FRMD6: variants seen among roughly 807,000 people sequenced by gnomAD.
FRMD6 encodes the protein FERM domain-containing protein 6.
A neutral mutation model predicts 73.2 loss-of-function variants in FRMD6; 37 were observed. The ratio of observed to expected loss-of-function variants is 0.51; its 90% CI spans 0.39 to 0.66. The LOEUF (loss-of-function observed/expected upper bound fraction) is 0.66, where lower values mean the gene tolerates loss of function less well. Among genes scored for constraint, FRMD6 ranks in the 30% least tolerant of loss-of-function variants. The pLI is 0.00. For synonymous variants in FRMD6, 273 were observed against 282.2 expected (o/e 0.97, Z 0.33); for missense variants, 714 against 780.5 (o/e 0.91, Z 1.02).
intron 1 of FRMD6, among the ~76,000 whole-genome samples, chr14:51,673,228 A>G (rs999472465): frequency 6.6e-6 from 1 of 151,406 alleles, no homozygotes; most frequent in Non-Finnish European, 1.5e-5. Flanking sequence ...TGTTTGACCT[A>G]TTGCTTGTCG....
the FRMD6 span, among the ~76,000 whole-genome samples, chr14:51,481,633 C>T: frequency 6.6e-6 from 1 of 152,228 alleles, no homozygotes; most frequent in East Asian, 1.9e-4. Flanking sequence ...ACTTGGGTTC[C>T]AGGTTTCCTT....
the FRMD6 span, among the ~76,000 whole-genome samples, chr14:51,440,399 T>G: frequency 6.6e-6 from 1 of 152,256 alleles, no homozygotes; most frequent in Non-Finnish European, 1.5e-5. Flanking sequence ...AGGGTTTAGC[T>G]GGCCTGGGTT....
chr14:51,674,658 G>A (rs1894256775), intron 1 of FRMD6, among the ~76,000 whole-genome samples: 1 of 152,046 alleles, frequency 6.6e-6, no homozygotes, highest in African/African-American at 2.4e-5. Flanking sequence ...ATTTTTCATG[G>A]AAGATTAACC....
intron 2 of FRMD6, chr14:51,575,560 A>G (rs1162222985): frequency 6.6e-6 from 1 of 152,180 alleles, no homozygotes; most frequent in Non-Finnish European, 1.5e-5. Context: ...TTTTCGTGAG[A>G]TATTGTAGAA....
chr14:51,532,687 T>C (rs17124108), intron 1 of FRMD6, among the ~76,000 whole-genome samples: 8,530 of 152,316 alleles, frequency 0.056, 303 homozygotes, highest in South Asian at 0.13. Flanking sequence ...ACGTCCTTCC[T>C]ATATAAACAA....
the FRMD6 span, among the ~76,000 whole-genome samples, chr14:51,463,827 G>T: frequency 5.7e-4 from 86 of 152,106 alleles, no homozygotes; most frequent in Non-Finnish European, 9.9e-4. Context: ...GTTTTTGGGG[G>T]TGATGGAGGG....
rs79606523 is a variant in FRMD6, at chr14:51,708,158, C to T, written c.639C>T (p.Ser213=). ...AAGATCAGTTTGCACTAACAGCTTC[C>T]GAAGCTCATCTTAAATATATCAAAG... The part of the protein sequence containing the change: ...MHKDQFALTA[S]EAHLKYIKEA... Residue 213 remains serine (S), a synonymous_variant, in exon 7 of 14, where the codon TCC becomes TCT. Transcript: ENST00000344768. 2,618 of 1,613,212 alleles carry T rather than the reference C, an allele frequency of 1.6e-3. 67 individuals are homozygous for T. The East Asian group carries it at 0.049, about 30-fold the overall frequency.
intron 2 of FRMD6, among the ~76,000 whole-genome samples, chr14:51,642,749 AT>A (rs1891869308): frequency 6.6e-6 from 1 of 152,172 alleles, no homozygotes; most frequent in African/African-American, 2.4e-5. Context: ...GATGTTAAAT[AT>A]TTTAGAGGAA....
At chr14:51,716,098 G>A (rs1021139125) in intron 10 of FRMD6, among the ~76,000 whole-genome samples, 2 of 152,214 alleles carry the variant, frequency 1.3e-5, no homozygotes, top group African/African-American at 4.8e-5. Flanking sequence ...AGTCTGTCTG[G>A]GGCCTCAGAG....
intron 2 of FRMD6, among the ~76,000 whole-genome samples, chr14:51,630,660 T>C (rs1395554182): frequency 6.6e-6 from 1 of 151,880 alleles, no homozygotes; most frequent in Non-Finnish European, 1.5e-5. Context: ...GGTGGGAGGA[T>C]CATTTGAGCC....
chr14:51,526,671 C>G (rs939038523), intron 1 of FRMD6, among the ~76,000 whole-genome samples: 5 of 152,216 alleles, frequency 3.3e-5, no homozygotes, highest in Non-Finnish European at 7.3e-5. Flanking sequence ...CATTTGCAAA[C>G]AAACACAACA....
the FRMD6 span, among the ~76,000 whole-genome samples, chr14:51,407,643 G>T: frequency 6.6e-6 from 1 of 151,694 alleles, no homozygotes; most frequent in Non-Finnish European, 1.5e-5. Context: ...ATTTATTACT[G>T]CTTTCTATAT....
At chr14:51,713,584 A>C (rs1897073095) in intron 9 of FRMD6, 1 of 152,200 alleles carries the variant, frequency 6.6e-6, no homozygotes, top group Non-Finnish European at 1.5e-5. Flanking sequence ...GGCCTATGTA[A>C]ATAAAGGGCC....
intron 1 of FRMD6, among the ~76,000 whole-genome samples, chr14:51,670,187 G>C (rs546280235): frequency 2.6e-5 from 4 of 152,226 alleles, no homozygotes; most frequent in South Asian, 4.1e-4. Flanking sequence ...GCAGTCCTCT[G>C]CCTCAGCCTC....
At chr14:51,673,175 T>A (rs778455166) in intron 1 of FRMD6, among the ~76,000 whole-genome samples, 26 of 152,144 alleles carry the variant, frequency 1.7e-4, no homozygotes, top group Admixed American at 6.5e-5. Context: ...CTCTGGCTAG[T>A]GGGAATGAGA....
chr14:51,677,249 A>T (rs886830219), intron 1 of FRMD6, among the ~76,000 whole-genome samples: 2 of 152,100 alleles, frequency 1.3e-5, no homozygotes, highest in Non-Finnish European at 2.9e-5. Context: ...ATTTAGTTCA[A>T]TCTTTGTTAG....
chr14:51,547,972 C>A (rs981970252), intron 1 of FRMD6: 1 of 151,286 alleles, frequency 6.6e-6, no homozygotes, highest in African/African-American at 2.4e-5. Flanking sequence ...TATCATATAA[C>A]ATTCATTTTG....
At chr14:51,426,302 C>T in the FRMD6 span, among the ~76,000 whole-genome samples, 9 of 151,910 alleles carry the variant, frequency 5.9e-5, no homozygotes, top group South Asian at 2.1e-4. Context: ...CACCTAGTCA[C>T]GTGGTGTCTC....
chr14:51,445,925 A>T, the FRMD6 span, among the ~76,000 whole-genome samples: 1 of 152,226 alleles, frequency 6.6e-6, no homozygotes, highest in Admixed American at 6.5e-5. Context: ...GGTATTTTGC[A>T]TGTATTGTAG....
Sources: allele counts gnomAD v4.1 joint callset (sites outside exome capture counted in the v4.1 genomes callset), GRCh38; gene constraint gnomAD v4.1.1; transcripts MANE v1.5; gene names NCBI Gene and HGNC (gene_info 2026-07-23, HGNC 2026-07-21).